Variants in SPEF2 observed in about 807,000 individuals in gnomAD.
The protein encoded by SPEF2 is sperm flagellar and cilia associated 2, also known as sperm flagella and cilia-associated protein 2.
SPEF2 carries 187 observed loss-of-function variants against 224.6 expected under a neutral mutation model. That is an observed-to-expected ratio of 0.83 (90% CI 0.74 to 0.94). SPEF2 has a LOEUF of 0.94. Among genes scored for constraint, SPEF2 ranks in the 40% least tolerant of loss-of-function variants. The pLI is 0.00. For synonymous variants in SPEF2, 715 were observed against 707.3 expected, an observed-to-expected ratio of 1.01 and a Z score of -0.17; for missense variants, 2,170 against 2,135.6, an observed-to-expected ratio of 1.02 and a Z score of -0.32.
chr5:35,716,612 CTTTTA>C (rs923559566), intron 20 of SPEF2, among the ~76,000 whole-genome samples: 2 of 151,926 alleles, frequency 1.3e-5, no homozygotes, highest in Non-Finnish European at 2.9e-5. Context: ...ATATTTTTTG[CTTTTA>C]TTTTACTATT....
chr5:35,754,018 G>A (rs1271764210), intron 24 of SPEF2, among the ~76,000 whole-genome samples: 2 of 152,106 alleles, frequency 1.3e-5, no homozygotes, highest in Non-Finnish European at 2.9e-5. Flanking sequence ...GCCTAGATAT[G>A]TAGAAAGCCA....
At chr5:35,671,626 A>G (rs1751227997) in intron 10 of SPEF2, 2 of 648,614 alleles carry the variant, frequency 3.1e-6, no homozygotes, top group South Asian at 1.4e-4. Flanking sequence ...TAAACAGCTC[A>G]ATCTCTATTC....
intron 2 of SPEF2, among the ~76,000 whole-genome samples, chr5:35,634,807 G>A (rs994882965): frequency 4.0e-5 from 6 of 151,792 alleles, no homozygotes; most frequent in South Asian, 2.1e-4. Flanking sequence ...CATTGGTGTG[G>A]TACATTTGTT....
chr5:35,738,652 G>T (rs1747071325), intron 21 of SPEF2, among the ~76,000 whole-genome samples: 1 of 150,944 alleles, frequency 6.6e-6, no homozygotes, highest in African/African-American at 2.4e-5. Flanking sequence ...TCCATCTAGG[G>T]GAAAGTTTGC....
At chr5:35,665,463 A>G (rs1750341261) in intron 8 of SPEF2, among the ~76,000 whole-genome samples, 1 of 151,884 alleles carries the variant, frequency 6.6e-6, no homozygotes, top group Non-Finnish European at 1.5e-5. Flanking sequence ...GGGAGCGAGG[A>G]AGGGAGGAAG....
intron 30 of SPEF2, chr5:35,790,607 T>A (rs1755813177): frequency 3.1e-6 from 1 of 327,514 alleles, no homozygotes; most frequent in African/African-American, 2.1e-5. Flanking sequence ...TTTCACACTC[T>A]TTTGGTGGAG....
At chr5:35,708,693 C>T (rs1561236639) in intron 18 of SPEF2, among the ~76,000 whole-genome samples, 1 of 236 alleles carries the variant, frequency 4.2e-3, no homozygotes, top group African/African-American at 0.012. Context: ...CTACCTCCAT[C>T]ACCATCACCA....
intron 23 of SPEF2, among the ~76,000 whole-genome samples, chr5:35,745,812 C>T (rs953475338): frequency 6.6e-6 from 1 of 152,228 alleles, no homozygotes; most frequent in African/African-American, 2.4e-5. Flanking sequence ...CCTCTCCACG[C>T]TACTACAGCT....
At chr5:35,727,530 G>A (rs1409551950) in intron 20 of SPEF2, 145 bp from the exon 21 acceptor site, 2 of 606,146 alleles carry the variant, frequency 3.3e-6, no homozygotes, top group East Asian at 5.9e-5. Flanking sequence ...TGGAGAATAA[G>A]GATTTTTTGT....
In SPEF2 at chr5:35,797,863, G is replaced by T. The variant is rs79386165; in HGVS notation, c.4830+2068G>T. Reference sequence around the variant, plus strand: ...TCTGCTCCCAGTGCTGCCAGGACTTGCTGTGGAAACTTGCACAGATCTGCA... The same window carrying T: ...TCTGCTCCCAGTGCTGCCAGGACTTTCTGTGGAAACTTGCACAGATCTGCA... On this transcript the variant is annotated intron_variant, in intron 33 of 36. Coordinates refer to ENST00000356031, the MANE Select transcript of SPEF2 (RefSeq NM_024867.4). 3.3e-3 allele frequency among the ~76,000 whole-genome samples: 504 copies of T among 152,222 alleles called. 6 individuals carry two copies. Among genetic ancestry groups the T allele is most frequent in the African/African-American group, 0.012 (483 of 41,526 alleles).
rs554833881 is a variant in SPEF2, at chr5:35,621,606, G to A, written c.58+3551G>A. ...AGAAATAGAAAAATTCAGCCATCTC[G>A]GCCTATTATAATATCATAGGGCATA... On this transcript the variant is annotated intron_variant, in intron 1 of 36. Coordinates refer to ENST00000356031, the MANE Select transcript of SPEF2 (RefSeq NM_024867.4). Among the ~76,000 whole-genome samples, 73 of 152,078 alleles carry A rather than the reference G, an allele frequency of 4.8e-4. 1 individual carries two copies. The highest frequency in any genetic ancestry group is 4.3e-3 in the Admixed American group (66 of 15,276).
At chr5:35,704,180 A>C (rs534564367) in intron 16 of SPEF2, among the ~76,000 whole-genome samples, 1 of 152,120 alleles carries the variant, frequency 6.6e-6, no homozygotes, top group Non-Finnish European at 1.5e-5. Flanking sequence ...TTGTATGCAT[A>C]TTTGACGTTC....
At position 35,654,539 on chromosome 5, in the gene SPEF2, G is replaced by A; in HGVS notation, c.792-1G>A. ...TCTAAAATAAAAACTATTATTCTTA[G>A]TGCATCCAAGACTTCTTTAGATACA... On this transcript the variant is annotated splice_acceptor_variant, in intron 6 of 36. Transcript: ENST00000356031. LOFTEE classifies it high-confidence loss of function. The A allele has an allele frequency of 6.4e-7, 1 of 1,560,484 alleles. No homozygotes were observed. The highest frequency in any genetic ancestry group is 8.6e-7 in the Non-Finnish European group (1 of 1,161,096).
intron 7 of SPEF2, among the ~76,000 whole-genome samples, chr5:35,656,250 C>T (rs1300986464): frequency 3.9e-5 from 6 of 152,118 alleles, no homozygotes; most frequent in Admixed American, 3.3e-4. Flanking sequence ...TGCTTTTATT[C>T]ACCTACCCAC....
chr5:35,700,744 ATAT>A lies in SPEF2; in HGVS notation c.2394_2396del (p.Ile799del). On this transcript the variant is annotated inframe_deletion, in exon 16 of 37. Coordinates refer to ENST00000356031, the MANE Select transcript of SPEF2 (RefSeq NM_024867.4). The stretch of plus-strand genomic sequence containing the variant: ...ACTTCCTCAATGAGTCGCATGAATG[ATAT>A]TATAGGTAAGCTGGACACCTTTTTT... 2 of 1,613,532 alleles carry A rather than the reference ATAT, an allele frequency of 1.2e-6. No homozygotes were observed. Among genetic ancestry groups the A allele is most frequent in the Non-Finnish European group, 1.7e-6 (2 of 1,179,568 alleles).
intron 30 of SPEF2, chr5:35,790,131 A>C: frequency 1.4e-6 from 1 of 702,996 alleles, no homozygotes; most frequent in Non-Finnish European, 2.6e-6. Context: ...CCTTCCTGCA[A>C]GTTCAGCTGA....
At chr5:35,756,852 C>A (rs1472985966) in intron 24 of SPEF2, among the ~76,000 whole-genome samples, 1 of 151,970 alleles carries the variant, frequency 6.6e-6, no homozygotes, top group East Asian at 1.9e-4. Context: ...GGAAGGAAAT[C>A]CTTTTTCTAT....
At chr5:35,713,770 G>T (rs1378221209) in intron 20 of SPEF2, among the ~76,000 whole-genome samples, 1 of 100,824 alleles carries the variant, frequency 9.9e-6, no homozygotes, top group Non-Finnish European at 1.9e-5. Context: ...TTTATATATA[G>T]TATATATATT....
intron 36 of SPEF2, among the ~76,000 whole-genome samples, chr5:35,810,637 AC>A (rs1168989873): frequency 6.6e-6 from 1 of 151,990 alleles, no homozygotes; most frequent in Non-Finnish European, 1.5e-5. Context: ...TTCAGGCCCT[AC>A]CCCCTGTATT....
Sources: gnomAD v4.1 joint callset for allele counts (sites outside exome capture counted in the v4.1 genomes callset) on GRCh38, gnomAD v4.1.1 for gene constraint, MANE v1.5 for transcripts, NCBI Gene and HGNC (gene_info 2026-07-23, HGNC 2026-07-21) for gene names.